The following OPN3 variants were observed in gnomAD, a reference collection of about 807,000 sequenced individuals.
The protein encoded by OPN3 is opsin-3.
In OPN3, 29 loss-of-function variants were observed where a neutral mutation model predicts 33.8. The ratio of observed to expected loss-of-function variants is 0.86; its 90% CI spans 0.64 to 1.17. The LOEUF (loss-of-function observed/expected upper bound fraction) is 1.17, where lower values mean the gene tolerates loss of function less well. OPN3 is among the 50% of genes most tolerant of loss of function. The pLI, the probability that OPN3 is intolerant of heterozygous loss-of-function variation, is 0.00. For synonymous variants in OPN3, 216 were observed against 216.1 expected (o/e 1.00, Z 0.00); for missense variants, 437 against 514.1 (o/e 0.85, Z 1.45).
intron 1 of OPN3, chr1:241,633,657 TGAGA>T: frequency 1.2e-6 from 1 of 844,866 alleles, no homozygotes; most frequent in Non-Finnish European, 1.9e-6. Context: ...GCTGAATGTC[TGAGA>T]GTTAAAGACA....
Position 241,636,047 on chromosome 1 carries a change from A to G in OPN3, c.373+3835T>C, listed in dbSNP as rs80319256. 9 of 470,944 alleles carry G rather than the reference A, an allele frequency of 1.9e-5. No individual in the cohort carries two copies. The East Asian group carries it at 2.9e-4, about 15-fold the overall frequency. The allele number at this position is 470,944 out of a possible 1,614,324, so 29.2% of individuals were successfully genotyped here. Reference sequence around the variant, plus strand: ...AGCAGTAAATGTCAAAATGCATCATATATGCATTTGTGACTGGAACTCTTC... The same window carrying G: ...AGCAGTAAATGTCAAAATGCATCATGTATGCATTTGTGACTGGAACTCTTC... On this transcript the variant is annotated intron_variant, in intron 1 of 3. Coordinates refer to ENST00000366554, the MANE Select transcript of OPN3 (RefSeq NM_014322.3).
intron 1 of OPN3, among the ~76,000 whole-genome samples, chr1:241,619,940 T>C (rs1236709774): frequency 1.3e-5 from 2 of 152,308 alleles, no homozygotes; most frequent in East Asian, 1.9e-4. Flanking sequence ...TCATAAAATA[T>C]GGTCCTTGAT....
chr1:241,631,174 T>C (rs551993869), intron 1 of OPN3: 1 of 152,146 alleles, frequency 6.6e-6, no homozygotes, highest in Non-Finnish European at 1.5e-5. Flanking sequence ...TTTTTATTGG[T>C]ATAACTTCTC....
At chr1:241,635,568 C>T in intron 1 of OPN3, 2 of 1,614,082 alleles carry the variant, frequency 1.2e-6, no homozygotes, top group East Asian at 2.2e-5. Flanking sequence ...TCCCCAATGT[C>T]ATTGTTTTGC....
rs1383270490 is a variant in OPN3 at position 241,622,632 on chromosome 1, C to T, written c.373+17250G>A. On this transcript the variant is annotated intron_variant, in intron 1 of 3. Transcript: ENST00000366554. Reference sequence around the variant, plus strand: ...CACTCTTTAGTTTAAAACCATTGTTCTAGAATTTCAACAATTGATAAATCA... The same window carrying T: ...CACTCTTTAGTTTAAAACCATTGTTTTAGAATTTCAACAATTGATAAATCA... Among the ~76,000 whole-genome samples, 3 of 152,172 alleles carry T rather than the reference C, an allele frequency of 2.0e-5. No individual in the cohort carries two copies. In the East Asian group the frequency reaches 5.8e-4, roughly 29 times the overall value.
chr1:241,603,914 C>T (rs1663748018), intron 2 of OPN3, among the ~76,000 whole-genome samples: 1 of 152,182 alleles, frequency 6.6e-6, no homozygotes, highest in Admixed American at 6.5e-5. Context: ...CATATGACCT[C>T]TGAATAAACA....
intron 1 of OPN3, among the ~76,000 whole-genome samples, chr1:241,606,949 T>C (rs1663848777): frequency 6.6e-6 from 1 of 152,208 alleles, no homozygotes; most frequent in Admixed American, 6.5e-5. Context: ...CTTCATATTT[T>C]AACATTTCAC....
At chr1:241,627,455 C>T (rs1195092613) in intron 1 of OPN3, among the ~76,000 whole-genome samples, 1 of 152,168 alleles carries the variant, frequency 6.6e-6, no homozygotes, top group Non-Finnish European at 1.5e-5. Context: ...CTTAACTCCT[C>T]CAGGTTTTAT....
At chr1:241,616,911 AT>A (rs1244306648) in intron 1 of OPN3, among the ~76,000 whole-genome samples, 1 of 152,180 alleles carries the variant, frequency 6.6e-6, no homozygotes, top group African/African-American at 2.4e-5. Context: ...TTACATGATA[AT>A]TTTTGGCTAT....
intron 1 of OPN3, chr1:241,635,055 G>C: frequency 6.2e-7 from 1 of 1,612,986 alleles, no homozygotes; most frequent in Non-Finnish European, 8.5e-7. Flanking sequence ...TGAGAATACA[G>C]CAGTTTTGAC....
At chr1:241,611,004 A>C (rs997982749) in intron 1 of OPN3, among the ~76,000 whole-genome samples, 3 of 152,186 alleles carry the variant, frequency 2.0e-5, no homozygotes, top group African/African-American at 7.2e-5. Flanking sequence ...TATTATTATT[A>C]CTGAATAGTT....
chr1:241,630,985 CT>C (rs764270820), intron 1 of OPN3: 1 of 151,916 alleles, frequency 6.6e-6, no homozygotes, highest in Non-Finnish European at 1.5e-5. Flanking sequence ...CTAAAAATGT[CT>C]TTTAGTACTG....
chr1:241,620,686 G>A (rs1015807105), intron 1 of OPN3, among the ~76,000 whole-genome samples: 2 of 152,210 alleles, frequency 1.3e-5, no homozygotes, highest in Admixed American at 6.5e-5. Flanking sequence ...ATTAATATAT[G>A]CAAAATATTA....
Position 241,633,360 on chromosome 1 carries a change from T to C in OPN3, c.373+6522A>G, listed in dbSNP as rs541971724. On this transcript the variant is annotated intron_variant, in intron 1 of 3. Coordinates refer to ENST00000366554, the MANE Select transcript of OPN3 (RefSeq NM_014322.3). Reference sequence around the variant, plus strand: ...AAAGATCCACATAATTTACCATTTGTGTATGTTTCACTATTCGAACAGGCC... The same window carrying C: ...AAAGATCCACATAATTTACCATTTGCGTATGTTTCACTATTCGAACAGGCC... 1.3e-4 allele frequency: 22 copies of C among 164,418 alleles called. No homozygotes were observed. The South Asian group carries it at 3.1e-3, about 23-fold the overall frequency. The allele number at this position is 164,418 out of a possible 1,614,324, so 10.2% of individuals were successfully genotyped here.
At chr1:241,611,225 G>A (rs187736569) in intron 1 of OPN3, among the ~76,000 whole-genome samples, 3 of 152,180 alleles carry the variant, frequency 2.0e-5, no homozygotes, top group Admixed American at 6.5e-5. Flanking sequence ...TATAGTTCAA[G>A]TATCTAGACT....
In OPN3 at chr1:241,619,573, T is replaced by C. The variant is rs187394383; in HGVS notation, c.374-14994A>G. On this transcript the variant is annotated intron_variant, in intron 1 of 3. Coordinates refer to ENST00000366554, the MANE Select transcript of OPN3 (RefSeq NM_014322.3). ...CATATCATAAAATGGCTGAAAGTGA[T>C]GTCATATGAAAAGCTCTTGAAAATC... is the stretch of plus-strand genomic sequence containing the variant. Among the ~76,000 whole-genome samples, 135 of 152,318 alleles carry C rather than the reference T, an allele frequency of 8.9e-4. 1 individual carries two copies. The highest frequency in any genetic ancestry group is 5.7e-4 in the Non-Finnish European group (39 of 68,030).
Position 241,635,483 on chromosome 1 carries a change from G to C in OPN3, c.373+4399C>G, listed in dbSNP as rs774756175. On this transcript the variant is annotated intron_variant, in intron 1 of 3. Coordinates refer to ENST00000366554, the MANE Select transcript of OPN3 (RefSeq NM_014322.3). ...GCAAAAAGCTTCTGTGTGTTGAATA[G>C]TTTCATCCTTCTTGCGAAGAGTGAT... 19 of 1,613,848 alleles carry C rather than the reference G, an allele frequency of 1.2e-5. No homozygotes were observed. Among genetic ancestry groups the C allele is most frequent in the Non-Finnish European group, 1.4e-5 (17 of 1,179,962 alleles).
chr1:241,609,096 C>A (rs1183083630), intron 1 of OPN3, among the ~76,000 whole-genome samples: 1 of 152,180 alleles, frequency 6.6e-6, no homozygotes, highest in East Asian at 1.9e-4. Context: ...TGATGTTGAG[C>A]CTTATTAACG....
At chr1:241,603,664 T>C (rs1355146231) in intron 2 of OPN3, among the ~76,000 whole-genome samples, 4 of 152,088 alleles carry the variant, frequency 2.6e-5, no homozygotes, top group Admixed American at 6.5e-5. Flanking sequence ...TTTGACGGAG[T>C]GAGCAAGAGA....
Sources: allele counts gnomAD v4.1 joint callset (sites outside exome capture counted in the v4.1 genomes callset), GRCh38; gene constraint gnomAD v4.1.1; transcripts MANE v1.5; gene names NCBI Gene and HGNC (gene_info 2026-07-23, HGNC 2026-07-21).